C16orf96: variants seen among roughly 807,000 people sequenced by gnomAD.
The protein encoded by C16orf96 is uncharacterized protein C16orf96.
C16orf96 carries 108 observed loss-of-function variants against 103.6 expected under a neutral mutation model. That is an observed-to-expected ratio of 1.04 (90% confidence interval 0.89 to 1.22). The LOEUF (loss-of-function observed/expected upper bound fraction) is 1.22, where lower values mean the gene tolerates loss of function less well. Among genes scored for constraint, C16orf96 ranks in the 50% most tolerant of loss-of-function variants. The pLI is 0.00. For missense variants in C16orf96, 1,586 were observed against 1,464.2 expected (o/e 1.08, Z -1.36); for synonymous variants, 566 against 593.5 (o/e 0.95, Z 0.67).
intron 1 of C16orf96, among the ~76,000 whole-genome samples, chr16:4,562,050 T>C (rs1049876043): frequency 3.9e-5 from 6 of 152,174 alleles, no homozygotes; most frequent in African/African-American, 1.4e-4. Context: ...CTTTAACTTA[T>C]TGGTCTTTTT....
intron 13 of C16orf96, 89 bp downstream of exon 13, chr16:4,594,599 C>T: frequency 6.5e-7 from 1 of 1,536,904 alleles, no homozygotes. Flanking sequence ...CAGTGGGCAA[C>T]CCCAGCAGAG....
chr16:4,555,178 G>A (rs1319155498), upstream of C16orf96, among the ~76,000 whole-genome samples: 2 of 150,688 alleles, frequency 1.3e-5, no homozygotes, highest in Non-Finnish European at 3.0e-5. Context: ...CAGGAGAATC[G>A]CTTGAACCCA....
chr16:4,588,174 A>C lies in C16orf96; in HGVS notation c.2435A>C (p.Asp812Ala). The change falls in exon 9 of 16, where the codon GAC becomes GCC. Residue 812 changes from aspartate (D) to alanine (A), a missense_variant. By Grantham distance (126) the Asp-to-Ala change is moderately radical (BLOSUM62 -2). Coordinates refer to ENST00000444310, the MANE Select transcript of C16orf96 (RefSeq NM_001145011.2). The stretch of plus-strand genomic sequence containing the variant: ...AACTCCCTGTCTCCCTAGAAAGCTG[A>C]CAGGAGTGCCCTGGCAGGCAAGGCA... ...TMEEELREKA[D>A]RSALAGKASR... is the part of the protein sequence containing the mutation. The C allele has an allele frequency of 6.4e-7, 1 of 1,551,162 alleles. No individual in the cohort carries two copies. Among genetic ancestry groups the C allele is most frequent in the Non-Finnish European group, 8.7e-7 (1 of 1,146,830 alleles).
At chr16:4,541,506 C>T in the C16orf96 span, among the ~76,000 whole-genome samples, 1 of 152,136 alleles carries the variant, frequency 6.6e-6, no homozygotes, top group Non-Finnish European at 1.5e-5. Flanking sequence ...CCCAGCAGGT[C>T]GAGGCTGCTG....
chr16:4,556,927 A>C lies in C16orf96; in HGVS notation c.420+18A>C. 1 of 1,522,152 alleles carries C rather than the reference A, an allele frequency of 6.6e-7. No individual in the cohort carries two copies. The highest frequency in any genetic ancestry group is 8.9e-7 in the Non-Finnish European group (1 of 1,129,474). The allele number at this position is 1,522,152 out of a possible 1,614,324, so 94.3% of individuals were successfully genotyped here. On this transcript the variant is annotated intron_variant, in intron 1 of 15. Coordinates refer to ENST00000444310, the MANE Select transcript of C16orf96 (RefSeq NM_001145011.2). ...TGGCCAAGGTACGCCCCCAGCCTCC[A>C]GACACTTCTTTTCCTCCCTTCACCA... is the stretch of plus-strand genomic sequence containing the variant.
chr16:4,561,808 G>C (rs888993489), intron 1 of C16orf96: 1 of 151,100 alleles, frequency 6.6e-6, no homozygotes. Flanking sequence ...TGAGGCTGCC[G>C]GGGGGTCGCC....
At position 4,575,515 on chromosome 16, in the gene C16orf96, G is replaced by T. The variant is rs1239932024; in HGVS notation, c.1035G>T (p.Glu345Asp). The T allele has an allele frequency of 1.3e-6, 2 of 1,546,142 alleles. No individual in the cohort carries two copies. The highest frequency in any genetic ancestry group is 1.7e-6 in the Non-Finnish European group (2 of 1,146,334). Residue 345 changes from glutamate to aspartate, a missense_variant, in exon 5 of 16, where the codon GAG (glutamate) becomes GAT (aspartate). Coordinates refer to ENST00000444310, the MANE Select transcript of C16orf96 (RefSeq NM_001145011.2). ...VPGLELGLEL[E>D]PVPALGPVPG... ...GACTGGAGCTGGGGCTGGAGCTGGA[G>T]CCTGTGCCTGCCCTGGGGCCTGTCC...
In C16orf96 at chr16:4,594,769, G is replaced by A. The variant is rs372641177; in HGVS notation, c.3093G>A (p.Gly1031=). ...AAGGCCGCGTGAACAGCCAGCGTGG[G>A]GCTCAGCCCTTGGCCGTCGCAAAGG... ...LYKGRVNSQR[G]AQPLAVAKEL... is the part of the protein sequence containing the mutation. The change falls in exon 14 of 16, where the codon GGG becomes GGA. Residue 1031 remains glycine, a synonymous_variant. Transcript: ENST00000444310. 6 of 1,550,820 alleles carry A rather than the reference G, an allele frequency of 3.9e-6. No homozygotes were observed. In the African/African-American group the frequency reaches 4.1e-5, roughly 11 times the overall value.
Position 4,575,470 on chromosome 16 carries a change from T to C in C16orf96, c.990T>C (p.Pro330=). 5 of 1,548,234 alleles carry C rather than the reference T, an allele frequency of 3.2e-6. No individual in the cohort carries two copies. Among genetic ancestry groups the C allele is most frequent in the Non-Finnish European group, 2.6e-6 (3 of 1,146,898 alleles). ...CTTEFAPGPA[P]GTEPVPGLEL... is the part of the protein sequence containing the mutation. ...CTGAATTTGCACCTGGGCCTGCACC[T>C]GGGACTGAACCTGTGCCAGGACTGG... The change falls in exon 5 of 16, where the codon CCT becomes CCC. Residue 330 remains proline (P), a synonymous_variant. Transcript: ENST00000444310.
chr16:4,575,644 A>G lies in C16orf96; in HGVS notation c.1164A>G (p.Ala388=), dbSNP rs2059495323. 6.5e-7 allele frequency: 1 copy of G among 1,532,822 alleles called. No individual in the cohort carries two copies. Among genetic ancestry groups the G allele is most frequent in the Non-Finnish European group, 8.8e-7 (1 of 1,138,746 alleles). 95.0% of individuals were successfully genotyped at this position (1,532,822 alleles called of 1,614,324 possible). The part of the protein sequence containing the change: ...AQPPPLGDWP[A]LPRRWPLPQG... The stretch of plus-strand genomic sequence containing the variant: ...CTCCACCACTGGGAGACTGGCCTGC[A>G]CTCCCAAGACGCTGGCCTCTTCCCC... Residue 388 remains alanine (A), a synonymous_variant, in exon 5 of 16, where the codon GCA becomes GCG. Transcript: ENST00000444310.
upstream of C16orf96, among the ~76,000 whole-genome samples, chr16:4,552,236 C>T (rs2059232433): frequency 6.6e-6 from 1 of 152,082 alleles, no homozygotes; most frequent in African/African-American, 2.4e-5. Context: ...AATCCCAGCA[C>T]TTTGGGAGGC....
upstream of C16orf96, among the ~76,000 whole-genome samples, chr16:4,555,750 G>A (rs1333309774): frequency 2.1e-5 from 3 of 144,436 alleles, no homozygotes; most frequent in Non-Finnish European, 4.5e-5. Flanking sequence ...CAGGCTAAGT[G>A]CAGTGGCACA....
intron 14 of C16orf96, among the ~76,000 whole-genome samples, chr16:4,598,099 C>A (rs751705538): frequency 6.6e-6 from 1 of 152,146 alleles, no homozygotes; most frequent in Non-Finnish European, 1.5e-5. Context: ...CACCTGTAAT[C>A]CCAGCACTTT....
Position 4,588,259 on chromosome 16 carries a change from C to T in C16orf96, c.2520C>T (p.Leu840=). The change falls in exon 9 of 16, where the codon CTC becomes CTT. Residue 840 remains leucine (L), a synonymous_variant. Coordinates refer to ENST00000444310, the MANE Select transcript of C16orf96 (RefSeq NM_001145011.2). ...LELNEMIQGI[L]FKVTIHEDSW... ...TGAACGAGATGATTCAGGGCATACT[C>T]TTCAAGGTCACGATCCATGAGGACA... The T allele has an allele frequency of 1.9e-6, 3 of 1,551,732 alleles. No individual in the cohort carries two copies. Among genetic ancestry groups the T allele is most frequent in the Non-Finnish European group, 2.6e-6 (3 of 1,146,998 alleles).
At chr16:4,539,011 C>T in the C16orf96 span, among the ~76,000 whole-genome samples, 6 of 152,170 alleles carry the variant, frequency 3.9e-5, no homozygotes, top group African/African-American at 1.4e-4. Flanking sequence ...CTCATGCCAG[C>T]AACAGGGCAG....
chr16:4,555,765 T>G (rs1366221712), upstream of C16orf96, among the ~76,000 whole-genome samples: 2 of 149,972 alleles, frequency 1.3e-5, no homozygotes, highest in Non-Finnish European at 3.0e-5. Flanking sequence ...GGCACAATCA[T>G]AGCTCACTGT....
At chr16:4,585,250 C>A (rs1048274342) in intron 7 of C16orf96, among the ~76,000 whole-genome samples, 14 of 137,722 alleles carry the variant, frequency 1.0e-4, no homozygotes, top group Middle Eastern at 5.4e-3. Context: ...CCTAGGAGTT[C>A]CAGATCAGCC....
chr16:4,588,448 C>A, intron 9 of C16orf96, 117 bp downstream of exon 9: 3 of 1,201,456 alleles, frequency 2.5e-6, no homozygotes, highest in Non-Finnish European at 3.4e-6. Flanking sequence ...AGTGACCCAG[C>A]AACTTAGCTG....
At chr16:4,589,273 A>T (rs1344267799) in intron 9 of C16orf96, among the ~76,000 whole-genome samples, 1 of 152,110 alleles carries the variant, frequency 6.6e-6, no homozygotes, top group Non-Finnish European at 1.5e-5. Flanking sequence ...GAGGGTGACC[A>T]CCTTCCATCA....
Sources: allele counts gnomAD v4.1 joint callset (sites outside exome capture counted in the v4.1 genomes callset), GRCh38; gene constraint gnomAD v4.1.1; transcripts MANE v1.5; gene names NCBI Gene and HGNC (gene_info 2026-07-23, HGNC 2026-07-21).